The following PRKAR1A variants were observed in gnomAD, a reference collection of about 807,000 sequenced individuals.
PRKAR1A encodes cAMP-dependent protein kinase type I-alpha regulatory subunit.
PRKAR1A carries 3 observed loss-of-function variants against 52.0 expected under a neutral mutation model. The ratio of observed to expected loss-of-function variants is 0.06; its 90% CI spans 0.03 to 0.15. The LOEUF is 0.15. Ranked by LOEUF, PRKAR1A falls within the 10% of genes least tolerant of loss-of-function variation. PRKAR1A has a pLI of 1.00. For missense variants in PRKAR1A, 240 were observed against 477.4 expected, an observed-to-expected ratio of 0.50 and a Z score of 4.63; for synonymous variants, 188 against 168.4, an observed-to-expected ratio of 1.12 and a Z score of -0.90.
At chr17:68,486,666 T>TA in the PRKAR1A span, among the ~76,000 whole-genome samples, 32,793 of 150,350 alleles carry the variant, frequency 0.22, 3,818 homozygotes, top group South Asian at 0.25. Flanking sequence ...CTTCCTATTA[T>TA]AAAAATAAAT....
chr17:68,474,662 G>A, the PRKAR1A span, among the ~76,000 whole-genome samples: 1 of 152,178 alleles, frequency 6.6e-6, no homozygotes, highest in South Asian at 2.1e-4. Flanking sequence ...TTGGGAGGCC[G>A]AGGCGGGCGG....
the PRKAR1A span, among the ~76,000 whole-genome samples, chr17:68,443,962 A>G: frequency 6.6e-6 from 1 of 152,354 alleles, no homozygotes; most frequent in South Asian, 2.1e-4. Flanking sequence ...TACACCAGGA[A>G]TGTATTAAAT....
the PRKAR1A span, chr17:68,457,295 G>A: frequency 2.0e-6 from 3 of 1,534,138 alleles, no homozygotes; most frequent in Non-Finnish European, 2.6e-6. Flanking sequence ...CCTGGGTCCT[G>A]ACACTCTGTC....
chr17:68,528,490 A>G (rs1374100417), intron 8 of PRKAR1A: 1 of 199,884 alleles, frequency 5.0e-6, no homozygotes, highest in Non-Finnish European at 1.0e-5. Flanking sequence ...AGATTAAATT[A>G]TTTCTATGAA....
the PRKAR1A span, chr17:68,457,227 G>A: frequency 2.4e-6 from 3 of 1,265,600 alleles, no homozygotes; most frequent in Non-Finnish European, 3.3e-6. Context: ...GCAGACACCG[G>A]CCCTCCCGCC....
downstream of PRKAR1A, chr17:68,536,514 T>C (rs993316928): frequency 2.2e-6 from 1 of 454,122 alleles, no homozygotes. Context: ...GACTTAGTCT[T>C]TTTTGAGCCA....
At chr17:68,439,785 C>T in the PRKAR1A span, among the ~76,000 whole-genome samples, 1 of 152,156 alleles carries the variant, frequency 6.6e-6, no homozygotes, top group Non-Finnish European at 1.5e-5. Flanking sequence ...AGGCCTGTTT[C>T]CTGTCTGTGA....
chr17:68,542,879 G>C (rs1395030949), intron 11 of PRKAR1A: 2 of 1,208,666 alleles, frequency 1.7e-6, no homozygotes, highest in South Asian at 2.4e-5. Context: ...TTTGTCCCCC[G>C]GCCAGTGCAC....
the PRKAR1A span, among the ~76,000 whole-genome samples, chr17:68,471,864 G>A: frequency 1.3e-5 from 2 of 151,828 alleles, no homozygotes; most frequent in African/African-American, 2.4e-5. Context: ...GCAGTGGCGC[G>A]ATCTCGGCTC....
chr17:68,476,586 C>G, the PRKAR1A span, among the ~76,000 whole-genome samples: 1 of 152,050 alleles, frequency 6.6e-6, no homozygotes, highest in African/African-American at 2.4e-5. Context: ...CCGTCTCTCT[C>G]ATTTTCTCTC....
At chr17:68,456,371 C>G in the PRKAR1A span, among the ~76,000 whole-genome samples, 1 of 152,172 alleles carries the variant, frequency 6.6e-6, no homozygotes, top group Non-Finnish European at 1.5e-5. Flanking sequence ...TCACCAGCAG[C>G]CAAGGCACAG....
At chr17:68,495,891 G>GAGGC in the PRKAR1A span, among the ~76,000 whole-genome samples, 113 of 147,162 alleles carry the variant, frequency 7.7e-4, no homozygotes, top group East Asian at 0.022. Context: ...ATAGCTTCTA[G>GAGGC]AGGCAGGCCA....
At chr17:68,522,718 C>T (rs140147647) in intron 2 of PRKAR1A, 38 bp from the exon 3 acceptor site, 61 of 1,610,268 alleles carry the variant, frequency 3.8e-5, no homozygotes, top group African/African-American at 2.9e-4. Context: ...CTTTACATGC[C>T]GAAGGATCTC....
chr17:68,416,472 C>T, the PRKAR1A span, among the ~76,000 whole-genome samples: 1 of 152,108 alleles, frequency 6.6e-6, no homozygotes, highest in African/African-American at 2.4e-5. Flanking sequence ...CAATGAATTT[C>T]CCAGGTGTTC....
At chr17:68,427,086 G>A in the PRKAR1A span, 7 of 1,479,050 alleles carry the variant, frequency 4.7e-6, no homozygotes, top group East Asian at 1.6e-4. Flanking sequence ...GAGAAGGGGA[G>A]GGAGGTCACT....
chr17:68,524,881 A>G (rs189652424), intron 5 of PRKAR1A, 31 bp from the exon 6 acceptor site: 321 of 1,539,548 alleles, frequency 2.1e-4, no homozygotes, highest in Non-Finnish European at 2.5e-4. Flanking sequence ...TTAATTTGGA[A>G]TATGCTTCTA....
chr17:68,480,259 G>A, the PRKAR1A span, among the ~76,000 whole-genome samples: 2 of 152,132 alleles, frequency 1.3e-5, no homozygotes, highest in African/African-American at 4.8e-5. Context: ...ATAATTTAAA[G>A]TTTTGAGCAT....
chr17:68,464,273 T>C, the PRKAR1A span, among the ~76,000 whole-genome samples: 1 of 152,216 alleles, frequency 6.6e-6, no homozygotes, highest in African/African-American at 2.4e-5. Flanking sequence ...AACCACCTGC[T>C]TCACAACACA....
the PRKAR1A span, among the ~76,000 whole-genome samples, chr17:68,470,283 C>T: frequency 2.0e-5 from 3 of 152,148 alleles, no homozygotes; most frequent in Admixed American, 2.0e-4. Context: ...GGTTTCACCA[C>T]ATTGGTCAGG....
Sources: gnomAD v4.1 joint callset for allele counts (sites outside exome capture counted in the v4.1 genomes callset) on GRCh38, gnomAD v4.1.1 for gene constraint, MANE v1.5 for transcripts, NCBI Gene and HGNC (gene_info 2026-07-23, HGNC 2026-07-21) for gene names.